DIAPH3: variants seen among roughly 807,000 people sequenced by gnomAD.
DIAPH3 encodes the protein diaphanous related formin 3, also known as protein diaphanous homolog 3.
A neutral mutation model predicts 144.3 loss-of-function variants in DIAPH3; 117 were observed. The observed-to-expected ratio is 0.81, with a 90% CI of 0.70 to 0.95. DIAPH3 has a LOEUF of 0.95. Among genes scored for constraint, DIAPH3 ranks in the 40% least tolerant of loss-of-function variants. DIAPH3 has a pLI of 0.00. For missense variants in DIAPH3, 1,421 were observed against 1,412.7 expected (o/e 1.01, Z -0.09); for synonymous variants, 519 against 488.9 (o/e 1.06, Z -0.81).
intron 4 of DIAPH3, among the ~76,000 whole-genome samples, chr13:60,046,549 T>C (rs2056076402): frequency 6.6e-6 from 1 of 152,184 alleles, no homozygotes; most frequent in African/African-American, 2.4e-5. Context: ...TCAACCATTG[T>C]GGAAGACAGT....
intron 20 of DIAPH3, among the ~76,000 whole-genome samples, chr13:59,894,965 C>T (rs1246081444): frequency 6.6e-6 from 1 of 152,008 alleles, no homozygotes; most frequent in African/African-American, 2.4e-5. Context: ...GAAGATGACA[C>T]ATAATGCTAC....
At chr13:60,119,569 A>G (rs1323565661) in intron 2 of DIAPH3, among the ~76,000 whole-genome samples, 1 of 151,324 alleles carries the variant, frequency 6.6e-6, no homozygotes, top group Non-Finnish European at 1.5e-5. Context: ...AAAACGGTGA[A>G]ACCCCGTCTC....
chr13:59,844,370 G>A (rs2042511454), intron 22 of DIAPH3, among the ~76,000 whole-genome samples: 2 of 151,870 alleles, frequency 1.3e-5, no homozygotes, highest in Admixed American at 6.6e-5. Context: ...CAGGCGTGGT[G>A]GCGAGCGCCT....
At position 60,163,828 on chromosome 13, in the gene DIAPH3, G is replaced by A. The variant is rs1952419741; in HGVS notation, c.-62C>T. ...CCACTCAGCAAGCCGCAAGCTGGAA[G>A]CTGAGGGATCGACAACAGGTTTTAC... is the stretch of plus-strand genomic sequence containing the variant. On this transcript the variant is annotated 5_prime_UTR_variant, in exon 1 of 28. Coordinates refer to ENST00000400324, the MANE Select transcript of DIAPH3 (RefSeq NM_001042517.2). 8 of 1,531,608 alleles carry A rather than the reference G, an allele frequency of 5.2e-6. No individual in the cohort carries two copies. In the Admixed American group the frequency reaches 1.4e-4, roughly 26 times the overall value. The allele number at this position is 1,531,608 out of a possible 1,614,324, so 94.9% of individuals were successfully genotyped here.
intron 2 of DIAPH3, among the ~76,000 whole-genome samples, chr13:60,112,897 T>A (rs961269426): frequency 6.6e-6 from 1 of 152,212 alleles, no homozygotes; most frequent in Non-Finnish European, 1.5e-5. Flanking sequence ...TTATTCAAAA[T>A]TGTTTGAATT....
intron 27 of DIAPH3, among the ~76,000 whole-genome samples, chr13:59,756,329 T>C (rs1283207097): frequency 6.6e-6 from 1 of 151,884 alleles, no homozygotes; most frequent in Non-Finnish European, 1.5e-5. Flanking sequence ...AAACATAAAC[T>C]TTAAAAAAGT....
chr13:60,052,982 A>T (rs1003406523), intron 4 of DIAPH3, among the ~76,000 whole-genome samples: 13 of 145,498 alleles, frequency 8.9e-5, no homozygotes, highest in Admixed American at 7.0e-4. Flanking sequence ...AAAAAAAAAG[A>T]AATAATAATA....
At chr13:60,092,489 A>G (rs2057973178) in intron 4 of DIAPH3, among the ~76,000 whole-genome samples, 1 of 152,152 alleles carries the variant, frequency 6.6e-6, no homozygotes, top group Non-Finnish European at 1.5e-5. Flanking sequence ...CGTCTCTAAT[A>G]AAAATACAAA....
chr13:59,697,459 C>CAAAAAAAAAAAAAAAAAAAAA (rs58372882), intron 27 of DIAPH3, among the ~76,000 whole-genome samples: 2 of 31,188 alleles, frequency 6.4e-5, no homozygotes, highest in African/African-American at 2.4e-4. Flanking sequence ...GACACTGTCT[C>CAAAAAAAAAAAAAAAAAAAAA]AAAAAAAAAA....
intron 25 of DIAPH3, among the ~76,000 whole-genome samples, chr13:59,785,341 G>T (rs956097162): frequency 6.6e-6 from 1 of 152,080 alleles, no homozygotes; most frequent in African/African-American, 2.4e-5. Context: ...TTACAAGAAA[G>T]GAAGTTTTAT....
intron 27 of DIAPH3, among the ~76,000 whole-genome samples, chr13:59,676,192 T>G (rs1305906707): frequency 1.3e-5 from 2 of 152,236 alleles, no homozygotes; most frequent in African/African-American, 4.8e-5. Context: ...TAGCCAATGC[T>G]CGAATTACAT....
At chr13:59,925,512 T>G (rs1566526188) in intron 17 of DIAPH3, among the ~76,000 whole-genome samples, 1 of 152,210 alleles carries the variant, frequency 6.6e-6, no homozygotes, top group Non-Finnish European at 1.5e-5. Flanking sequence ...GGTCTAAGTT[T>G]TCTTTTTATG....
chr13:60,163,549 G>A (rs1387026662), intron 1 of DIAPH3, 38 bp downstream of exon 1: 1 of 1,568,624 alleles, frequency 6.4e-7, no homozygotes, highest in Non-Finnish European at 8.7e-7. Context: ...CTACGGCGGG[G>A]CGGGAGCGGC....
intron 22 of DIAPH3, among the ~76,000 whole-genome samples, chr13:59,844,734 A>C (rs143342415): frequency 4.9e-4 from 74 of 152,254 alleles, no homozygotes; most frequent in African/African-American, 1.7e-3. Context: ...CTAGCTAGAC[A>C]ATTTTGACTT....
At chr13:59,913,877 GA>G (rs1319823705) in intron 19 of DIAPH3, among the ~76,000 whole-genome samples, 1 of 151,926 alleles carries the variant, frequency 6.6e-6, no homozygotes, top group Non-Finnish European at 1.5e-5. Context: ...AGAATAGCTT[GA>G]ACCCAGGAGG....
At chr13:59,924,490 A>G (rs1232591635) in intron 18 of DIAPH3, among the ~76,000 whole-genome samples, 3 of 105,298 alleles carry the variant, frequency 2.8e-5, no homozygotes, top group Non-Finnish European at 6.4e-5. Flanking sequence ...CTTTATTTTT[A>G]TACTTTAAAA....
chr13:59,879,379 G>T lies in DIAPH3; in HGVS notation c.2457C>A (p.Asp819Glu). Residue 819 changes from aspartate (D) to glutamate (E), a missense_variant, in exon 21 of 28, where the codon GAC (aspartate) becomes GAA (glutamate). Asp to Glu is a conservative substitution (Grantham distance 45, BLOSUM62 2). Coordinates refer to ENST00000400324, the MANE Select transcript of DIAPH3 (RefSeq NM_001042517.2). ...CGCAGGCAGTACTGACAGCCATGATGTCAGGTTTGATGTTGTTCACCTGCT... is the reference window on the plus strand; with the variant it reads ...CGCAGGCAGTACTGACAGCCATGATTTCAGGTTTGATGTTGTTCACCTGCT... ...FEEQVNNIKP[D>E]IMAVSTACEE... 2 of 1,613,874 alleles carry T rather than the reference G, an allele frequency of 1.2e-6. No individual in the cohort carries two copies. The highest frequency in any genetic ancestry group is 1.7e-6 in the Non-Finnish European group (2 of 1,179,850).
intron 22 of DIAPH3, among the ~76,000 whole-genome samples, chr13:59,842,274 AC>A (rs1489643860): frequency 6.6e-6 from 1 of 152,066 alleles, no homozygotes; most frequent in Non-Finnish European, 1.5e-5. Flanking sequence ...AAAACCACAT[AC>A]TTAAAATACT....
rs1478794300 is a variant in DIAPH3, at chr13:60,010,508, A to G, written c.908+25T>C. 3.2e-6 allele frequency: 5 copies of G among 1,545,344 alleles called. No individual in the cohort carries two copies. The East Asian group carries it at 1.2e-4, about 38-fold the overall frequency. ...ATCTGTATTAAATTATTATATAATT[A>G]GGGGAATATGTTGATAACACTTACA... On this transcript the variant is annotated intron_variant, in intron 8 of 27. Transcript: ENST00000400324.
Sources: gnomAD v4.1 joint callset for allele counts (sites outside exome capture counted in the v4.1 genomes callset) on GRCh38, gnomAD v4.1.1 for gene constraint, MANE v1.5 for transcripts, NCBI Gene and HGNC (gene_info 2026-07-23, HGNC 2026-07-21) for gene names.